Variants in DIAPH2 observed in about 807,000 individuals in gnomAD.
DIAPH2 encodes protein diaphanous homolog 2.
A neutral mutation model predicts 92.7 loss-of-function variants in DIAPH2; 35 were observed. That is an observed-to-expected ratio of 0.38 (90% CI 0.29 to 0.50). The LOEUF (loss-of-function observed/expected upper bound fraction) is 0.50. Ranked by LOEUF, DIAPH2 falls within the 20% of genes least tolerant of loss-of-function variation. DIAPH2 has a pLI of 0.94. For missense variants in DIAPH2, 701 were observed against 819.5 expected (o/e 0.86, Z 1.77); for synonymous variants, 301 against 280.4 (o/e 1.07, Z -0.73).
At chrX:97,430,010 A>T (rs1050008510) in intron 26 of DIAPH2, among the ~76,000 whole-genome samples, 2 of 111,697 alleles carry the variant, frequency 1.8e-5, no homozygotes, top group African/African-American at 6.5e-5. Flanking sequence ...AAATATTTTA[A>T]TTGTTATTTT....
chrX:97,014,378 T>G (rs2066246955), intron 17 of DIAPH2, among the ~76,000 whole-genome samples: 1 of 112,087 alleles, frequency 8.9e-6, no homozygotes, highest in Non-Finnish European at 1.9e-5. Flanking sequence ...TAGATTTTAT[T>G]TTCGTAAAAT....
At chrX:97,403,854 C>T (rs1443003286) in intron 25 of DIAPH2, among the ~76,000 whole-genome samples, 2 of 98,300 alleles carry the variant, frequency 2.0e-5, no homozygotes, top group African/African-American at 7.4e-5. Flanking sequence ...ACAGATAATC[C>T]TTTTTTTTTT....
chrX:97,366,481 A>G (rs896939141), intron 24 of DIAPH2, among the ~76,000 whole-genome samples: 3 of 111,970 alleles, frequency 2.7e-5, no homozygotes, highest in Non-Finnish European at 5.6e-5. Flanking sequence ...CACAGGAAGT[A>G]CCTCATGTTT....
chrX:97,467,519 A>T (rs1240124197), intron 26 of DIAPH2, among the ~76,000 whole-genome samples: 1 of 112,084 alleles, frequency 8.9e-6, no homozygotes, highest in Non-Finnish European at 1.9e-5. Flanking sequence ...GTTAATCATG[A>T]TCCTGAATCA....
At chrX:97,480,786 C>CTAAGA (rs918417437) in intron 26 of DIAPH2, among the ~76,000 whole-genome samples, 1 of 111,294 alleles carries the variant, frequency 9.0e-6, no homozygotes, top group African/African-American at 3.3e-5. Flanking sequence ...ACCCACAAGC[C>CTAAGA]TAAGAGTAAG....
At chrX:97,361,522 C>G (rs1569373323) in intron 24 of DIAPH2, among the ~76,000 whole-genome samples, 2 of 112,044 alleles carry the variant, frequency 1.8e-5, no homozygotes, top group Admixed American at 9.5e-5. Flanking sequence ...CTTTAGCTGC[C>G]TAGTGACATA....
At chrX:96,743,720 G>A (rs2147576872) in intron 3 of DIAPH2, among the ~76,000 whole-genome samples, 1 of 111,432 alleles carries the variant, frequency 9.0e-6, no homozygotes, top group African/African-American at 3.3e-5. Context: ...GTAGGTTGAG[G>A]AGATAGTGGT....
intron 24 of DIAPH2, among the ~76,000 whole-genome samples, chrX:97,357,779 G>C (rs1408787381): frequency 8.9e-6 from 1 of 111,885 alleles, no homozygotes; most frequent in Non-Finnish European, 1.9e-5. Flanking sequence ...GAAAGGCAGT[G>C]AAAGAACAAA....
rs974389435 is a variant in DIAPH2 at position 96,718,685 on chromosome X, T to G, written c.133-17073T>G. 1.2e-4 allele frequency among the ~76,000 whole-genome samples: 13 copies of G among 111,640 alleles called. No individual in the cohort carries two copies. In the Admixed American group the frequency reaches 1.2e-3, roughly 11 times the overall value. On this transcript the variant is annotated intron_variant, in intron 1 of 26. Transcript: ENST00000324765. ...TTTTCTTTATCCATTCATCTGTTTA[T>G]GGATACTTAGGTTGCTTCCAAATCT...
chrX:97,069,760 A>G (rs968883681), intron 17 of DIAPH2, among the ~76,000 whole-genome samples: 2 of 112,141 alleles, frequency 1.8e-5, no homozygotes. Flanking sequence ...AAATCATGCA[A>G]TGTTGCCTAT....
chrX:97,234,535 AT>A (rs1818807792), intron 22 of DIAPH2, among the ~76,000 whole-genome samples: 1 of 111,131 alleles, frequency 9.0e-6, no homozygotes, highest in South Asian at 3.8e-4. Context: ...GATATTAAAT[AT>A]TTTAGGGCTT....
chrX:96,816,565 A>G (rs1001154785), intron 4 of DIAPH2, among the ~76,000 whole-genome samples: 2 of 112,504 alleles, frequency 1.8e-5, no homozygotes, highest in Non-Finnish European at 3.8e-5. Flanking sequence ...TCTAAAAGAC[A>G]GGCAATAACA....
At chrX:97,148,344 G>T (rs1253052974) in intron 22 of DIAPH2, among the ~76,000 whole-genome samples, 1 of 112,082 alleles carries the variant, frequency 8.9e-6, no homozygotes, top group Non-Finnish European at 1.9e-5. Flanking sequence ...CTTACTGGAA[G>T]TATAAATGCT....
intron 25 of DIAPH2, among the ~76,000 whole-genome samples, chrX:97,412,050 G>A (rs2147760153): frequency 8.9e-6 from 1 of 111,857 alleles, no homozygotes; most frequent in South Asian, 3.8e-4. Flanking sequence ...GCACCAAGCA[G>A]ACCTAATAGA....
At chrX:97,598,194 A>T (rs933970966) in intron 26 of DIAPH2, among the ~76,000 whole-genome samples, 2 of 111,802 alleles carry the variant, frequency 1.8e-5, no homozygotes, top group Non-Finnish European at 3.8e-5. Flanking sequence ...GGAGGCCCCA[A>T]CCTTTAACTC....
intron 17 of DIAPH2, among the ~76,000 whole-genome samples, chrX:97,049,683 T>A (rs1432091380): frequency 9.0e-6 from 1 of 111,136 alleles, no homozygotes; most frequent in Non-Finnish European, 1.9e-5. Flanking sequence ...ACTCATACAC[T>A]CAGTGTTCTC....
At chrX:97,410,509 A>T (rs748690475) in intron 25 of DIAPH2, among the ~76,000 whole-genome samples, 4 of 112,249 alleles carry the variant, frequency 3.6e-5, no homozygotes, top group Non-Finnish European at 5.6e-5. Context: ...CTTCTCCTCC[A>T]AAGGATTACA....
chrX:96,958,214 T>C (rs5966792), intron 16 of DIAPH2, 66 bp downstream of exon 16: 534,022 of 1,130,577 alleles, frequency 0.47, 89,825 homozygotes, highest in South Asian at 0.59. Flanking sequence ...TGTGTACACA[T>C]TGTATAATGT....
At chrX:96,779,994 G>T (rs6620164) in intron 4 of DIAPH2, among the ~76,000 whole-genome samples, 18,667 of 111,334 alleles carry the variant, frequency 0.17, 1,264 homozygotes, top group East Asian at 0.33. Context: ...ATTCATTTTT[G>T]TGTACACCCC....
Sources: allele counts gnomAD v4.1 joint callset (sites outside exome capture counted in the v4.1 genomes callset), GRCh38; gene constraint gnomAD v4.1.1; transcripts MANE v1.5; gene names NCBI Gene and HGNC (gene_info 2026-07-23, HGNC 2026-07-21).